The following CYP19A1 variants were observed in gnomAD, a reference collection of about 807,000 sequenced individuals.
CYP19A1 encodes aromatase.
In CYP19A1, 32 loss-of-function variants were observed where a neutral mutation model predicts 44.4. The ratio of observed to expected loss-of-function variants is 0.72; its 90% CI spans 0.54 to 0.97. The LOEUF is 0.97. Ranked by LOEUF, CYP19A1 falls within the 50% of genes least tolerant of loss-of-function variation. The probability of loss-of-function intolerance (pLI) is 0.00; values close to 1 mark genes in which losing one functional copy is unlikely to be tolerated. For synonymous variants in CYP19A1, 212 were observed against 215.6 expected, an observed-to-expected ratio of 0.98 and a Z score of 0.14; for missense variants, 598 against 637.8, an observed-to-expected ratio of 0.94 and a Z score of 0.67.
intron 2 of CYP19A1, among the ~76,000 whole-genome samples, chr15:51,240,251 A>T (rs1018030239): frequency 6.6e-6 from 1 of 152,076 alleles, no homozygotes; most frequent in African/African-American, 2.4e-5. Context: ...GCAGGAAAAC[A>T]GGGCAGCCTG....
intron 1 of CYP19A1, among the ~76,000 whole-genome samples, chr15:51,296,454 A>G (rs971936894): frequency 3.3e-5 from 5 of 152,214 alleles, no homozygotes; most frequent in African/African-American, 1.2e-4. Flanking sequence ...ACAGGCAGTC[A>G]TATGGATCCA....
intron 8 of CYP19A1, 123 bp from the exon 9 acceptor site, chr15:51,212,684 T>A (rs2031145155): frequency 2.8e-6 from 2 of 709,150 alleles, no homozygotes; most frequent in East Asian, 5.2e-5. Flanking sequence ...GTGGCTCTAA[T>A]TCTAATGCAC....
chr15:51,253,468 T>A lies in CYP19A1; in HGVS notation c.-38-10518A>T, dbSNP rs140008726. Among the ~76,000 whole-genome samples, 202 of 152,244 alleles carry A rather than the reference T, an allele frequency of 1.3e-3. 1 individual carries two copies. The highest frequency in any genetic ancestry group is 4.5e-3 in the African/African-American group (189 of 41,542). On this transcript the variant is annotated intron_variant, in intron 1 of 9. Transcript: ENST00000396402. ...TGTAGCTCCCAATACATCCCTCTTGTCACAGCTATATTAGGGGATCATGTG... is the reference window on the plus strand; with the variant it reads ...TGTAGCTCCCAATACATCCCTCTTGACACAGCTATATTAGGGGATCATGTG...
At chr15:51,331,958 CATAT>C (rs1002990737) in intron 1 of CYP19A1, among the ~76,000 whole-genome samples, 1 of 151,292 alleles carries the variant, frequency 6.6e-6, no homozygotes, top group Admixed American at 6.6e-5. Flanking sequence ...CACACACATA[CATAT>C]ATATATACAA....
At chr15:51,252,855 G>T (rs1020512269) in intron 1 of CYP19A1, among the ~76,000 whole-genome samples, 3 of 152,190 alleles carry the variant, frequency 2.0e-5, no homozygotes, top group Admixed American at 1.3e-4. Context: ...TTAATCTGGG[G>T]AAGACAGATT....
chr15:51,281,037 C>T (rs1324748451), intron 1 of CYP19A1, among the ~76,000 whole-genome samples: 1 of 152,236 alleles, frequency 6.6e-6, no homozygotes, highest in Non-Finnish European at 1.5e-5. Flanking sequence ...CCTGATGCCA[C>T]CCCCACTGAG....
Position 51,237,347 on chromosome 15 carries a change from T to C in CYP19A1, c.146-338A>G, listed in dbSNP as rs28757172. Among the ~76,000 whole-genome samples the C allele has an allele frequency of 2.6e-5, 4 of 152,312 alleles. No homozygotes were observed. The East Asian group carries it at 5.8e-4, about 22-fold the overall frequency. ...TCAGTGAGTTTCTAATACAAGTCAA[T>C]TGGTGCATTTGGTAGCAAACATGGA... On this transcript the variant is annotated intron_variant, in intron 2 of 9. Transcript: ENST00000396402.
intron 7 of CYP19A1, 73 bp downstream of exon 7, chr15:51,215,630 A>T: frequency 6.2e-7 from 1 of 1,612,304 alleles, no homozygotes; most frequent in Non-Finnish European, 8.5e-7. Flanking sequence ...CAGTTACAAA[A>T]GGGGATCTTT....
At chr15:51,324,573 A>C (rs2036578701) in intron 1 of CYP19A1, among the ~76,000 whole-genome samples, 1 of 152,274 alleles carries the variant, frequency 6.6e-6, no homozygotes, top group Admixed American at 6.5e-5. Context: ...GCTGGTTGAG[A>C]ATGAAATGGC....
chr15:51,211,002 T>C lies in CYP19A1; in HGVS notation c.1318A>G (p.Lys440Glu). The part of the protein sequence containing the change: ...FGFGPRGCAG[K>E]YIAMVMMKAI... ...TTCATCATCACCATGGCGATGTACT[T>C]TCCTGCACAGCCACGGGGCCCAAAG... Residue 440 changes from lysine (K) to glutamate (E), a missense_variant, in exon 10 of 10, where the codon AAG (lysine) becomes GAG (glutamate). Physicochemically the swap from Lys to Glu is moderately conservative, Grantham distance 56. Transcript: ENST00000396402. 1.3e-6 allele frequency: 2 copies of C among 1,592,126 alleles called. No homozygotes were observed. Among genetic ancestry groups the C allele is most frequent in the Non-Finnish European group, 1.7e-6 (2 of 1,159,942 alleles).
intron 1 of CYP19A1, among the ~76,000 whole-genome samples, chr15:51,266,610 C>T (rs985775392): frequency 6.6e-6 from 1 of 152,236 alleles, no homozygotes; most frequent in African/African-American, 2.4e-5. Context: ...TTTTGAAATT[C>T]CATGGGTTTA....
intron 1 of CYP19A1, among the ~76,000 whole-genome samples, chr15:51,330,463 T>G (rs915109411): frequency 6.6e-6 from 1 of 152,156 alleles, no homozygotes; most frequent in African/African-American, 2.4e-5. Context: ...CTATCATTAA[T>G]AAAGTGATAA....
intron 1 of CYP19A1, among the ~76,000 whole-genome samples, chr15:51,307,621 T>A (rs1289891677): frequency 6.6e-6 from 1 of 152,186 alleles, no homozygotes; most frequent in East Asian, 1.9e-4. Flanking sequence ...AAAGTGCTGC[T>A]CGAGCTATGA....
chr15:51,338,257 A>G (rs1454448592), intron 1 of CYP19A1, among the ~76,000 whole-genome samples: 1 of 152,196 alleles, frequency 6.6e-6, no homozygotes, highest in Non-Finnish European at 1.5e-5. Context: ...AGAACAGTAT[A>G]GTTCTTAGGC....
intron 1 of CYP19A1, among the ~76,000 whole-genome samples, chr15:51,306,546 T>C (rs1229821681): frequency 6.6e-6 from 1 of 152,194 alleles, no homozygotes; most frequent in Non-Finnish European, 1.5e-5. Context: ...AAAAAACCCT[T>C]TATCTCCTTT....
chr15:51,243,095 G>A (rs1479808482), intron 1 of CYP19A1, 145 bp from the exon 2 acceptor site: 1 of 650,968 alleles, frequency 1.5e-6, no homozygotes, highest in Non-Finnish European at 2.8e-6. Flanking sequence ...CTAATTTATG[G>A]TTACAAGTCA....
At chr15:51,281,661 G>T (rs1310335958) in intron 1 of CYP19A1, among the ~76,000 whole-genome samples, 2 of 152,264 alleles carry the variant, frequency 1.3e-5, no homozygotes, top group African/African-American at 2.4e-5. Flanking sequence ...CAGCTGCTTG[G>T]CTGGCCAGAG....
At chr15:51,236,811 C>G (rs61292383) in intron 3 of CYP19A1, 48 bp downstream of exon 3, 1 of 1,610,892 alleles carries the variant, frequency 6.2e-7, no homozygotes, top group Non-Finnish European at 8.5e-7. Flanking sequence ...GTGGAAAAAA[C>G]TCCAGCCTCG....
intron 1 of CYP19A1, among the ~76,000 whole-genome samples, chr15:51,336,815 G>T (rs2036783166): frequency 6.6e-6 from 1 of 151,986 alleles, no homozygotes; most frequent in Admixed American, 6.6e-5. Flanking sequence ...GTTCTTGGCT[G>T]CTTTGGTCTC....
Sources: gnomAD v4.1 joint callset for allele counts (sites outside exome capture counted in the v4.1 genomes callset) on GRCh38, gnomAD v4.1.1 for gene constraint, MANE v1.5 for transcripts, NCBI Gene and HGNC (gene_info 2026-07-23, HGNC 2026-07-21) for gene names.